RBFOX1: variants seen among roughly 807,000 people sequenced by gnomAD.
RBFOX1 encodes RNA binding protein fox-1 homolog 1.
A neutral mutation model predicts 57.7 loss-of-function variants in RBFOX1; 8 were observed. The observed-to-expected ratio is 0.14, with a 90% CI of 0.08 to 0.25. RBFOX1 has a LOEUF of 0.25. Among genes scored for constraint, RBFOX1 ranks in the 10% least tolerant of loss-of-function variants. The pLI, the probability that RBFOX1 is intolerant of heterozygous loss-of-function variation, is 1.00. For missense variants in RBFOX1, 611 were observed against 548.5 expected (o/e 1.11, Z -1.14); for synonymous variants, 326 against 222.4 (o/e 1.47, Z -4.15).
intron 4 of RBFOX1, among the ~76,000 whole-genome samples, chr16:5,956,394 T>C (rs2059639896): frequency 6.6e-6 from 1 of 151,766 alleles, no homozygotes; most frequent in African/African-American, 2.4e-5. Context: ...ATATGAAAAA[T>C]TATGGTCTCT....
Position 5,772,555 on chromosome 16 carries a change from CTATAG to C in RBFOX1, c.319-94743_319-94739del, listed in dbSNP as rs1029795971. ...GAAAGTGAATAATGAGTCCTTTATA[CTATAG>C]TATAAATGTTAGCATATCTGCAAGT... On this transcript the variant is annotated intron_variant, in intron 3 of 19. Transcript: ENST00000641259. Among the ~76,000 whole-genome samples the C allele has an allele frequency of 1.2e-4, 19 of 152,268 alleles. No homozygotes were observed. In the Middle Eastern group the frequency reaches 0.01, roughly 82 times the overall value.
At chr16:5,870,752 C>T (rs191326154) in intron 4 of RBFOX1, among the ~76,000 whole-genome samples, 28 of 151,950 alleles carry the variant, frequency 1.8e-4, no homozygotes, top group Non-Finnish European at 2.6e-4. Flanking sequence ...TCAAAACAAG[C>T]GATCACCGTT....
In RBFOX1 at chr16:7,107,577, A is replaced by G. The variant is rs531400978; in HGVS notation, c.27+55479A>G. Among the ~76,000 whole-genome samples, 174 of 152,234 alleles carry G rather than the reference A, an allele frequency of 1.1e-3. 2 individuals are homozygous for G. The highest frequency in any genetic ancestry group is 2.1e-3 in the Non-Finnish European group (145 of 68,000). On this transcript the variant is annotated intron_variant, in intron 4 of 15. Transcript: ENST00000550418. ...AACTTGACTGTAATCAAGGTAGTGA[A>G]CATCTGTCACCCCAGAAGCTTCTTC...
intron 3 of RBFOX1, among the ~76,000 whole-genome samples, chr16:6,787,664 A>T (rs1254187033): frequency 6.6e-6 from 1 of 152,150 alleles, no homozygotes; most frequent in African/African-American, 2.4e-5. Context: ...AAGATGAAAG[A>T]GATTGCATCC....
intron 3 of RBFOX1, among the ~76,000 whole-genome samples, chr16:6,955,667 CTTTA>C (rs917018902): frequency 2.0e-4 from 30 of 149,606 alleles, no homozygotes; most frequent in African/African-American, 5.8e-4. Flanking sequence ...TACACCACCA[CTTTA>C]TTTATTTAGG....
At chr16:7,413,646 G>A (rs1258849140) in intron 4 of RBFOX1, among the ~76,000 whole-genome samples, 1 of 152,048 alleles carries the variant, frequency 6.6e-6, no homozygotes, top group Non-Finnish European at 1.5e-5. Context: ...GGCACTGGTT[G>A]CCTGTTTTCT....
chr16:7,704,963 G>C (rs1017360006), intron 14 of RBFOX1, among the ~76,000 whole-genome samples: 4 of 150,166 alleles, frequency 2.7e-5, no homozygotes, highest in African/African-American at 9.8e-5. Context: ...AGAATCGCTT[G>C]AACCCAGAAG....
chr16:6,560,343 G>GCA (rs2097164128), intron 2 of RBFOX1, among the ~76,000 whole-genome samples: 7 of 147,152 alleles, frequency 4.8e-5, no homozygotes, highest in Non-Finnish European at 1.0e-4. Flanking sequence ...AGGAGAGTGG[G>GCA]GGTGGAAGAA....
intron 3 of RBFOX1, among the ~76,000 whole-genome samples, chr16:6,827,938 G>A (rs766108457): frequency 1.9e-4 from 29 of 152,166 alleles, no homozygotes; most frequent in Admixed American, 1.6e-3. Context: ...TTTGATTAAT[G>A]CCTGTTGTTT....
At chr16:5,572,972 A>G (rs1024679381) in intron 2 of RBFOX1, among the ~76,000 whole-genome samples, 4 of 152,142 alleles carry the variant, frequency 2.6e-5, no homozygotes, top group African/African-American at 9.7e-5. Flanking sequence ...TTTCAGTGGA[A>G]GAATGGCGTG....
At chr16:7,123,396 C>T (rs979980109) in intron 4 of RBFOX1, among the ~76,000 whole-genome samples, 11 of 152,190 alleles carry the variant, frequency 7.2e-5, no homozygotes, top group East Asian at 3.9e-4. Context: ...ACAGCGGCTT[C>T]CTCTCTTGCC....
At chr16:7,272,420 G>A (rs1349060192) in intron 4 of RBFOX1, among the ~76,000 whole-genome samples, 1 of 152,102 alleles carries the variant, frequency 6.6e-6, no homozygotes. Flanking sequence ...CCTGACCTCA[G>A]TGATCCACCT....
chr16:5,591,793 C>T (rs193255010), intron 2 of RBFOX1, among the ~76,000 whole-genome samples: 6 of 152,110 alleles, frequency 3.9e-5, no homozygotes, highest in Non-Finnish European at 7.3e-5. Context: ...TTATGTTGTT[C>T]CCAGTATTTT....
intron 2 of RBFOX1, among the ~76,000 whole-genome samples, chr16:6,501,468 A>G (rs1399856240): frequency 6.6e-6 from 1 of 151,470 alleles, no homozygotes; most frequent in East Asian, 2.0e-4. Context: ...AAGGACATGA[A>G]CTCACCATTT....
chr16:6,196,388 C>T (rs1413186411), intron 1 of RBFOX1, among the ~76,000 whole-genome samples: 2 of 152,204 alleles, frequency 1.3e-5, no homozygotes, highest in East Asian at 3.9e-4. Flanking sequence ...GACAGGATAA[C>T]ATTATCTTTC....
intron 4 of RBFOX1, among the ~76,000 whole-genome samples, chr16:5,871,225 A>T (rs1008509782): frequency 1.3e-5 from 2 of 152,236 alleles, no homozygotes; most frequent in African/African-American, 4.8e-5. Flanking sequence ...AATTCTGCCC[A>T]GCAATGTTTA....
intron 3 of RBFOX1, among the ~76,000 whole-genome samples, chr16:6,727,510 C>A (rs140361469): frequency 6.6e-6 from 1 of 151,908 alleles, no homozygotes; most frequent in East Asian, 1.9e-4. Flanking sequence ...AAATTGTACA[C>A]TGATTTATTA....
intron 4 of RBFOX1, among the ~76,000 whole-genome samples, chr16:7,476,367 C>A (rs554581364): frequency 6.6e-6 from 1 of 152,212 alleles, no homozygotes; most frequent in African/African-American, 2.4e-5. Flanking sequence ...GATCCTCCAT[C>A]TGGAATACGT....
chr16:6,226,946 T>TGAAA (rs2097422601), intron 1 of RBFOX1, among the ~76,000 whole-genome samples: 1 of 101,042 alleles, frequency 9.9e-6, no homozygotes, highest in Non-Finnish European at 2.1e-5. Flanking sequence ...CCATCTCTAC[T>TGAAA]AAAAAAAAAA....
Sources: gnomAD v4.1 joint callset for allele counts (sites outside exome capture counted in the v4.1 genomes callset) on GRCh38, gnomAD v4.1.1 for gene constraint, MANE v1.5 for transcripts, NCBI Gene and HGNC (gene_info 2026-07-23, HGNC 2026-07-21) for gene names.